The following RPS6KC1 variants were observed in gnomAD, a reference collection of about 807,000 sequenced individuals.
RPS6KC1 encodes the protein inactive ribosomal protein S6 kinase delta-1.
In RPS6KC1, 54 loss-of-function variants were observed where a neutral mutation model predicts 103.8. The ratio of observed to expected loss-of-function variants is 0.52; its 90% CI spans 0.42 to 0.65. RPS6KC1 has a LOEUF of 0.65. RPS6KC1 is among the 30% of genes least tolerant of loss of function. RPS6KC1 has a pLI of 0.00. For missense variants in RPS6KC1, 1,151 were observed against 1,253.8 expected (o/e 0.92, Z 1.24); for synonymous variants, 439 against 438.7 (o/e 1.00, Z -0.01).
At chr1:213,770,188 G>A in the RPS6KC1 span, among the ~76,000 whole-genome samples, 2 of 152,206 alleles carry the variant, frequency 1.3e-5, no homozygotes, top group South Asian at 4.1e-4. Context: ...CCAAGGCCAT[G>A]AGAAGCAAAG....
chr1:213,316,005 C>T, the RPS6KC1 span, among the ~76,000 whole-genome samples: 9 of 152,326 alleles, frequency 5.9e-5, no homozygotes, highest in African/African-American at 1.9e-4. Context: ...CAGGAGGTGA[C>T]ATCATCAGGC....
At chr1:213,065,003 G>A (rs981943458) in intron 1 of RPS6KC1, among the ~76,000 whole-genome samples, 1 of 100,146 alleles carries the variant, frequency 1.0e-5, no homozygotes, top group African/African-American at 3.7e-5. Flanking sequence ...TTGAGACAGA[G>A]TCTTGCTCCG....
chr1:213,114,824 T>C (rs943108105), intron 4 of RPS6KC1, among the ~76,000 whole-genome samples: 3 of 152,256 alleles, frequency 2.0e-5, no homozygotes, highest in African/African-American at 7.2e-5. Flanking sequence ...GTGGTTTTTG[T>C]GTTTGGTTCT....
chr1:213,120,231 C>G (rs1328185176), intron 5 of RPS6KC1, among the ~76,000 whole-genome samples: 2 of 152,120 alleles, frequency 1.3e-5, no homozygotes, highest in Non-Finnish European at 2.9e-5. Flanking sequence ...ACACTGTGAT[C>G]CATGAAGAAT....
chr1:213,542,779 A>G, the RPS6KC1 span, among the ~76,000 whole-genome samples: 1 of 152,218 alleles, frequency 6.6e-6, no homozygotes, highest in Non-Finnish European at 1.5e-5. Flanking sequence ...AACACCATAT[A>G]ATAGCGATTA....
At chr1:213,276,520 A>G (rs1279360146), downstream of RPS6KC1, among the ~76,000 whole-genome samples, 2 of 152,158 alleles carry the variant, frequency 1.3e-5, no homozygotes, top group African/African-American at 2.4e-5. Context: ...TCCCTTACCT[A>G]TAGAATGAGA....
chr1:213,134,756 G>GTT (rs1327273228), intron 6 of RPS6KC1, among the ~76,000 whole-genome samples: 1 of 152,110 alleles, frequency 6.6e-6, no homozygotes, highest in Non-Finnish European at 1.5e-5. Flanking sequence ...GAAAAACGTA[G>GTT]TAAGTTTAGG....
chr1:213,324,500 G>A, the RPS6KC1 span, among the ~76,000 whole-genome samples: 1 of 151,456 alleles, frequency 6.6e-6, no homozygotes, highest in Non-Finnish European at 1.5e-5. Context: ...TGTTGCTTAG[G>A]TCTATTGGAA....
the RPS6KC1 span, among the ~76,000 whole-genome samples, chr1:213,775,030 G>C: frequency 6.6e-6 from 1 of 152,148 alleles, no homozygotes; most frequent in African/African-American, 2.4e-5. Context: ...GGTGATCAGA[G>C]AAGGTCTTTG....
At chr1:213,648,502 T>A in the RPS6KC1 span, among the ~76,000 whole-genome samples, 1 of 152,074 alleles carries the variant, frequency 6.6e-6, no homozygotes, top group African/African-American at 2.4e-5. Context: ...ATTCCAGAGA[T>A]CAGAGAGTTT....
the RPS6KC1 span, among the ~76,000 whole-genome samples, chr1:213,368,583 G>C: frequency 6.6e-6 from 1 of 152,222 alleles, no homozygotes; most frequent in African/African-American, 2.4e-5. Flanking sequence ...GACCCTTGCT[G>C]TGCATTGTTA....
At chr1:213,415,539 C>T in the RPS6KC1 span, among the ~76,000 whole-genome samples, 1 of 152,200 alleles carries the variant, frequency 6.6e-6, no homozygotes, top group Non-Finnish European at 1.5e-5. Flanking sequence ...AAGGAACCAT[C>T]CCTGCCCTTG....
chr1:213,092,499 G>C (rs186596107), intron 3 of RPS6KC1, among the ~76,000 whole-genome samples: 1,574 of 131,544 alleles, frequency 0.012, 27 homozygotes, highest in African/African-American at 0.038. Flanking sequence ...GTGAAACCCC[G>C]TCTCTACTAA....
chr1:213,083,656 G>A (rs537544652), intron 3 of RPS6KC1, among the ~76,000 whole-genome samples: 63 of 152,274 alleles, frequency 4.1e-4, no homozygotes, highest in Admixed American at 9.2e-4. Flanking sequence ...GACCTTGGGA[G>A]GAGGGTGAGG....
the RPS6KC1 span, among the ~76,000 whole-genome samples, chr1:213,637,064 A>T: frequency 6.6e-6 from 1 of 152,222 alleles, no homozygotes; most frequent in Non-Finnish European, 1.5e-5. Context: ...CCACAATGAG[A>T]TACCATCTCA....
the RPS6KC1 span, among the ~76,000 whole-genome samples, chr1:213,361,324 G>T: frequency 1.3e-5 from 2 of 152,388 alleles, no homozygotes; most frequent in East Asian, 3.9e-4. Flanking sequence ...CTAGCAATGA[G>T]CAAGGCTCCG....
chr1:213,752,401 CATT>C, the RPS6KC1 span, among the ~76,000 whole-genome samples: 2 of 151,760 alleles, frequency 1.3e-5, no homozygotes, highest in Admixed American at 6.6e-5. Flanking sequence ...TGCAGTAAAA[CATT>C]ATTGACAAAT....
At chr1:213,179,233 G>A (rs895776069) in intron 8 of RPS6KC1, among the ~76,000 whole-genome samples, 7 of 151,898 alleles carry the variant, frequency 4.6e-5, no homozygotes, top group South Asian at 2.1e-4. Context: ...TAGCCAATAT[G>A]GGGAAACCCC....
chr1:213,666,037 A>T, the RPS6KC1 span, among the ~76,000 whole-genome samples: 1 of 152,234 alleles, frequency 6.6e-6, no homozygotes, highest in Non-Finnish European at 1.5e-5. Context: ...CTACAATTTT[A>T]TAACATAGGA....
Sources: gnomAD v4.1 joint callset for allele counts (sites outside exome capture counted in the v4.1 genomes callset) on GRCh38, gnomAD v4.1.1 for gene constraint, MANE v1.5 for transcripts, NCBI Gene and HGNC (gene_info 2026-07-23, HGNC 2026-07-21) for gene names.